ENTREP1: variants seen among roughly 807,000 people sequenced by gnomAD.
The protein encoded by ENTREP1 is endosomal transmembrane epsin interactor 1.
At chr9:69,387,847 T>C in the ENTREP1 span, 35 of 1,253,642 alleles carry the variant, frequency 2.8e-5, no homozygotes, top group African/African-American at 4.5e-4. Context: ...CTATTTGTCA[T>C]ACCCCATGAA....
At chr9:69,385,570 TG>T in the ENTREP1 span, among the ~76,000 whole-genome samples, 1 of 152,122 alleles carries the variant, frequency 6.6e-6, no homozygotes, top group Non-Finnish European at 1.5e-5. Context: ...TTTTTCTGTT[TG>T]TTTGTTTTAG....
chr9:69,348,276 C>T, the ENTREP1 span, among the ~76,000 whole-genome samples: 1 of 152,074 alleles, frequency 6.6e-6, no homozygotes, highest in African/African-American at 2.4e-5. Flanking sequence ...CCATGCCCAG[C>T]TAATTTTTTT....
chr9:69,384,109 G>T, the ENTREP1 span: 2 of 1,037,940 alleles, frequency 1.9e-6, no homozygotes, highest in East Asian at 2.5e-5. Context: ...TGTAATCCCA[G>T]CACTTTGGGA....
At chr9:69,346,998 G>C in the ENTREP1 span, among the ~76,000 whole-genome samples, 2 of 152,316 alleles carry the variant, frequency 1.3e-5, no homozygotes, top group African/African-American at 4.8e-5. Context: ...TGACGGGACC[G>C]TTGTCGGCTA....
chr9:69,383,952 T>A, the ENTREP1 span: 2 of 1,613,650 alleles, frequency 1.2e-6, no homozygotes, highest in African/African-American at 2.7e-5. Flanking sequence ...TGCAGGGATC[T>A]TCATTCCAAA....
At chr9:69,377,630 C>T in the ENTREP1 span, 3 of 1,614,068 alleles carry the variant, frequency 1.9e-6, no homozygotes. Context: ...CAGATTTCTG[C>T]TGAAGAAGCG....
chr9:69,385,977 G>A, the ENTREP1 span: 9 of 1,570,630 alleles, frequency 5.7e-6, no homozygotes, highest in Non-Finnish European at 7.8e-6. Flanking sequence ...TCTTCGCAGG[G>A]CTGTGTGCTT....
the ENTREP1 span, among the ~76,000 whole-genome samples, chr9:69,335,464 A>C: frequency 5.9e-5 from 9 of 152,160 alleles, no homozygotes; most frequent in African/African-American, 2.2e-4. Flanking sequence ...AAAGAGAAAG[A>C]AGCAAATAGC....
chr9:69,325,567 C>T, the ENTREP1 span: 4 of 1,217,134 alleles, frequency 3.3e-6, no homozygotes, highest in Non-Finnish European at 4.1e-6. Context: ...CCGCCGCGGC[C>T]CCGGGCTCCG....
At chr9:69,340,810 T>TGTGC in the ENTREP1 span, among the ~76,000 whole-genome samples, 281 of 55,366 alleles carry the variant, frequency 5.1e-3, 4 homozygotes, top group African/African-American at 0.017. Context: ...CATGTGTGTG[T>TGTGC]GTATGTGTGT....
At chr9:69,385,501 A>C in the ENTREP1 span, among the ~76,000 whole-genome samples, 1 of 50,720 alleles carries the variant, frequency 2.0e-5, no homozygotes, top group Non-Finnish European at 4.4e-5. Flanking sequence ...AAGCACCTTT[A>C]GGAAAAAAAA....
chr9:69,333,350 G>A, the ENTREP1 span, among the ~76,000 whole-genome samples: 34 of 151,930 alleles, frequency 2.2e-4, no homozygotes, highest in South Asian at 6.9e-3. Context: ...TGTCACCCAG[G>A]CTGGAGTGCA....
the ENTREP1 span, among the ~76,000 whole-genome samples, chr9:69,333,063 G>A: frequency 3.0e-3 from 458 of 152,270 alleles, 2 homozygotes; most frequent in Non-Finnish European, 4.2e-3. Flanking sequence ...GGCAGGGAAA[G>A]TATATCTTTT....
chr9:69,343,505 G>T, the ENTREP1 span, among the ~76,000 whole-genome samples: 1 of 152,016 alleles, frequency 6.6e-6, no homozygotes, highest in African/African-American at 2.4e-5. Flanking sequence ...AAGTGGCACC[G>T]TCGCAGCTCA....
At chr9:69,356,349 T>C in the ENTREP1 span, among the ~76,000 whole-genome samples, 1 of 152,210 alleles carries the variant, frequency 6.6e-6, no homozygotes, top group African/African-American at 2.4e-5. Flanking sequence ...TGAGATTCCA[T>C]GGTATGTACT....
At chr9:69,336,860 A>T in the ENTREP1 span, among the ~76,000 whole-genome samples, 1 of 151,608 alleles carries the variant, frequency 6.6e-6, no homozygotes, top group Non-Finnish European at 1.5e-5. Flanking sequence ...CACTGCGCCC[A>T]GCTAATTTCT....
chr9:69,325,042 G>C, the ENTREP1 span: 5 of 985,418 alleles, frequency 5.1e-6, no homozygotes, highest in Non-Finnish European at 6.0e-6. Context: ...CACAGCGCGA[G>C]CACGGAGTGC....
the ENTREP1 span, chr9:69,388,512 G>C: frequency 3.5e-4 from 448 of 1,285,356 alleles, 6 homozygotes; most frequent in East Asian, 7.4e-3. Context: ...AGCTAAAGTG[G>C]CTTCTCCGCT....
the ENTREP1 span, among the ~76,000 whole-genome samples, chr9:69,358,553 A>T: frequency 9.9e-5 from 15 of 152,178 alleles, no homozygotes; most frequent in Non-Finnish European, 7.3e-5. Context: ...TGAGGGGGAA[A>T]AAAAGGGCAC....
Sources: allele counts gnomAD v4.1 joint callset (sites outside exome capture counted in the v4.1 genomes callset), GRCh38; gene constraint gnomAD v4.1.1; transcripts MANE v1.5; gene names NCBI Gene and HGNC (gene_info 2026-07-23, HGNC 2026-07-21).